The following AKAP8 variants were observed in gnomAD, a reference collection of about 807,000 sequenced individuals.
The protein encoded by AKAP8 is A-kinase anchoring protein 8.
In AKAP8, 24 loss-of-function variants were observed where a neutral mutation model predicts 67.5. The ratio of observed to expected loss-of-function variants is 0.36; its 90% CI spans 0.26 to 0.50. The LOEUF (loss-of-function observed/expected upper bound fraction) is 0.50. Among genes scored for constraint, AKAP8 ranks in the 20% least tolerant of loss-of-function variants. The pLI, the probability that AKAP8 is intolerant of heterozygous loss-of-function variation, is 0.97. For missense variants in AKAP8, 971 were observed against 955.9 expected, an observed-to-expected ratio of 1.02 and a Z score of -0.21; for synonymous variants, 400 against 371.1, an observed-to-expected ratio of 1.08 and a Z score of -0.90.
At chr19:15,364,896 G>A (rs1486783665) in intron 9 of AKAP8, among the ~76,000 whole-genome samples, 2 of 152,222 alleles carry the variant, frequency 1.3e-5, no homozygotes, top group Non-Finnish European at 2.9e-5. Context: ...TGGGATTAGA[G>A]GTGCATGCCA....
chr19:15,375,107 C>G (rs542120635), intron 2 of AKAP8, among the ~76,000 whole-genome samples: 130 of 152,294 alleles, frequency 8.5e-4, no homozygotes, highest in African/African-American at 3.1e-3. Flanking sequence ...CCTGAAACAC[C>G]GGGTGGTGGC....
At chr19:15,359,417 TCAA>T (rs1342141802) in intron 12 of AKAP8, among the ~76,000 whole-genome samples, 5 of 152,204 alleles carry the variant, frequency 3.3e-5, no homozygotes, top group Non-Finnish European at 7.3e-5. Flanking sequence ...TTTCATAAGT[TCAA>T]CAACAAAAGT....
chr19:15,362,522 T>A (rs1288504240), intron 9 of AKAP8, among the ~76,000 whole-genome samples: 8 of 151,972 alleles, frequency 5.3e-5, no homozygotes, highest in African/African-American at 1.9e-4. Context: ...CACGCCTGAC[T>A]GGTTTTCGTA....
At chr19:15,373,670 G>T in intron 4 of AKAP8, 116 bp downstream of exon 4, 2 of 1,302,792 alleles carry the variant, frequency 1.5e-6, no homozygotes, top group Non-Finnish European at 2.1e-6. Context: ...ACTCGTCAAT[G>T]CCACACCCAA....
intron 1 of AKAP8, 146 bp downstream of exon 1, chr19:15,379,567 G>A: frequency 1.2e-6 from 1 of 858,192 alleles, no homozygotes. Context: ...TGAGCGGCGC[G>A]CGCGCGCCCT....
chr19:15,361,171 C>T (rs1172954169), intron 11 of AKAP8, among the ~76,000 whole-genome samples, 193 bp from the exon 12 acceptor site: 2 of 152,126 alleles, frequency 1.3e-5, no homozygotes, highest in African/African-American at 4.8e-5. Flanking sequence ...CTTTTCTGTT[C>T]CTCCTGGTTG....
intron 9 of AKAP8, among the ~76,000 whole-genome samples, chr19:15,363,730 G>A (rs1967020011): frequency 6.6e-6 from 1 of 152,210 alleles, no homozygotes; most frequent in Non-Finnish European, 1.5e-5. Context: ...GGAAAGGTGG[G>A]GAAAAGATTG....
At position 15,373,244 on chromosome 19, in the gene AKAP8, G is replaced by C. The variant is rs773627639; in HGVS notation, c.468C>G (p.Phe156Leu). 6.2e-7 allele frequency: 1 copy of C among 1,614,010 alleles called. No individual in the cohort carries two copies. The highest frequency in any genetic ancestry group is 8.5e-7 in the Non-Finnish European group (1 of 1,180,034). ...YRPSYSYDYE[F>L]DLGSDRNGSF... ...TGCCATTGCGGTCGGACCCCAGGTC[G>C]AACTCATAGTCGTAGCTGTAGCTGG... Residue 156 changes from phenylalanine (F) to leucine (L), a missense_variant, in exon 5 of 14, where the codon TTC (phenylalanine) becomes TTG (leucine). Coordinates refer to ENST00000269701, the MANE Select transcript of AKAP8 (RefSeq NM_005858.4).
At chr19:15,359,321 CAA>C (rs1349443757) in intron 12 of AKAP8, among the ~76,000 whole-genome samples, 1 of 152,212 alleles carries the variant, frequency 6.6e-6, no homozygotes, top group Non-Finnish European at 1.5e-5. Context: ...GGGGGTGAAA[CAA>C]GAGCATTTAC....
chr19:15,377,614 G>A (rs1599575610), intron 1 of AKAP8, among the ~76,000 whole-genome samples: 1 of 152,148 alleles, frequency 6.6e-6, no homozygotes, highest in Non-Finnish European at 1.5e-5. Context: ...GACTACAGGC[G>A]CCTGCCACCA....
chr19:15,367,134 C>T (rs536568429), intron 9 of AKAP8, among the ~76,000 whole-genome samples: 2 of 152,308 alleles, frequency 1.3e-5, no homozygotes, highest in African/African-American at 2.4e-5. Context: ...CTTGAACTCC[C>T]GGCCTCAAGC....
rs1348414910 is a variant in AKAP8 at position 15,353,666 on chromosome 19, G to A, written c.*1249C>T. ...GTGAGTTAGCCCCTGGTATACAGTAGAGGCTCGGCAAATATTCTACAGCCT... is the reference window on the plus strand; with the variant it reads ...GTGAGTTAGCCCCTGGTATACAGTAAAGGCTCGGCAAATATTCTACAGCCT... On this transcript the variant is annotated 3_prime_UTR_variant, in exon 14 of 14. Transcript: ENST00000269701. 6.6e-6 allele frequency: 1 copy of A among 152,130 alleles called. No individual in the cohort carries two copies. The highest frequency in any genetic ancestry group is 1.9e-4 in the East Asian group (1 of 5,202). The allele number at this position is 152,130 out of a possible 1,614,324, so 9.4% of individuals were successfully genotyped here.
intron 5 of AKAP8, among the ~76,000 whole-genome samples, chr19:15,372,611 C>T (rs1242366361): frequency 2.0e-5 from 3 of 148,856 alleles, no homozygotes; most frequent in African/African-American, 7.4e-5. Flanking sequence ...TTGTCGGGGG[C>T]TGGTGGGGGC....
At chr19:15,373,407 T>A (rs1454466291) in intron 4 of AKAP8, 67 bp from the exon 5 acceptor site, 1 of 1,509,290 alleles carries the variant, frequency 6.6e-7, no homozygotes, top group Non-Finnish European at 8.9e-7. Flanking sequence ...TCCCTCAGTA[T>A]AACCTCGACG....
chr19:15,360,994 T>A lies in AKAP8; in HGVS notation c.1397-16A>T, dbSNP rs374857589. The A allele has an allele frequency of 1.9e-6, 3 of 1,610,906 alleles. No homozygotes were observed. In the African/African-American group the frequency reaches 4.0e-5, roughly 22 times the overall value. On this transcript the variant is annotated splice_polypyrimidine_tract_variant and intron_variant, in intron 11 of 13. Coordinates refer to ENST00000269701, the MANE Select transcript of AKAP8 (RefSeq NM_005858.4). ...TGGCCAATCCCTGCCAGGAAACGCA[T>A]GTCTTGTAGGATCTGGGACAGCAAG... is the stretch of plus-strand genomic sequence containing the variant.
At chr19:15,362,793 T>C (rs1185516347) in intron 9 of AKAP8, among the ~76,000 whole-genome samples, 1 of 151,886 alleles carries the variant, frequency 6.6e-6, no homozygotes, top group Non-Finnish European at 1.5e-5. Flanking sequence ...GTCTGGGAAG[T>C]GAGGAGCGTC....
At chr19:15,364,287 G>A (rs1450361022) in intron 9 of AKAP8, among the ~76,000 whole-genome samples, 4 of 150,060 alleles carry the variant, frequency 2.7e-5, no homozygotes, top group Non-Finnish European at 4.4e-5. Context: ...TCAGCCTCCC[G>A]AGTAGCTGGG....
chr19:15,379,637 C>G (rs1335466795), intron 1 of AKAP8, 76 bp downstream of exon 1: 21 of 1,521,260 alleles, frequency 1.4e-5, no homozygotes, highest in Non-Finnish European at 1.6e-5. Flanking sequence ...GCCCGGCCGG[C>G]GGCAGTCTGC....
intron 2 of AKAP8, among the ~76,000 whole-genome samples, chr19:15,375,705 C>T (rs1339660243): frequency 2.0e-5 from 3 of 148,862 alleles, no homozygotes; most frequent in African/African-American, 7.5e-5. Context: ...GGCGCGATCT[C>T]GGCTCACTGC....
Sources: gnomAD v4.1 joint callset for allele counts (sites outside exome capture counted in the v4.1 genomes callset) on GRCh38, gnomAD v4.1.1 for gene constraint, MANE v1.5 for transcripts, NCBI Gene and HGNC (gene_info 2026-07-23, HGNC 2026-07-21) for gene names.